Variants in VAV2 observed in about 807,000 individuals in gnomAD.
VAV2 encodes the protein vav guanine nucleotide exchange factor 2, also known as guanine nucleotide exchange factor VAV2.
Under a neutral mutation model 132.5 loss-of-function variants are expected in VAV2, and 67 were observed. The observed-to-expected ratio is 0.51, with a 90% CI of 0.42 to 0.62. VAV2 has a LOEUF of 0.62. VAV2 is among the 20% of genes least tolerant of loss of function. The pLI is 0.00. For synonymous variants in VAV2, 492 were observed against 443.5 expected (o/e 1.11, Z -1.37); for missense variants, 938 against 1,153.6 (o/e 0.81, Z 2.71).
At chr9:133,843,767 G>A (rs1210756377) in intron 3 of VAV2, among the ~76,000 whole-genome samples, 1 of 152,220 alleles carries the variant, frequency 6.6e-6, no homozygotes, top group Non-Finnish European at 1.5e-5. Context: ...GGAGTCTCAC[G>A]GGGGTGGAGT....
chr9:133,928,109 A>G lies in VAV2; in HGVS notation c.321+10994T>C, dbSNP rs1445972729. 1.3e-5 allele frequency among the ~76,000 whole-genome samples: 2 copies of G among 152,162 alleles called. No individual in the cohort carries two copies. The highest frequency in any genetic ancestry group is 2.9e-5 in the Non-Finnish European group (2 of 68,036). On this transcript the variant is annotated intron_variant, in intron 2 of 29. Coordinates refer to ENST00000371850, the MANE Select transcript of VAV2 (RefSeq NM_001134398.2). The surrounding 1 kb of genome is among the most constrained non-coding windows in gnomAD (Gnocchi z 5.4). ...TCCCGCCTGGAAAGGAAAGCAGAGA[A>G]AAACCTCTCCCATCCCCAGTTATAA...
chr9:133,973,409 C>CTCCCTCT (rs1842404965), intron 1 of VAV2, among the ~76,000 whole-genome samples: 1 of 152,204 alleles, frequency 6.6e-6, no homozygotes, highest in South Asian at 2.1e-4. Flanking sequence ...CTCCCATGAC[C>CTCCCTCT]CCCGGGCAGG....
chr9:133,976,408 CCT>C lies in VAV2; in HGVS notation c.204+15665_204+15666del, dbSNP rs529305813. Among the ~76,000 whole-genome samples, 556 of 152,178 alleles carry C rather than the reference CCT, an allele frequency of 3.7e-3. 1 individual carries two copies. Among genetic ancestry groups the C allele is most frequent in the Middle Eastern group, 0.017 (5 of 294 alleles). ...CCCAGCCCCGCCCAGCCCTGCCTCT[CCT>C]GGCCTCACCCTCGATGGAGGAGGAG... On this transcript the variant is annotated intron_variant, in intron 1 of 29. Coordinates refer to ENST00000371850, the MANE Select transcript of VAV2 (RefSeq NM_001134398.2).
chr9:133,906,895 C>CG (rs1156493725), intron 2 of VAV2, among the ~76,000 whole-genome samples: 2 of 152,184 alleles, frequency 1.3e-5, no homozygotes, highest in Non-Finnish European at 2.9e-5. Flanking sequence ...TGGGGACCCT[C>CG]GCCCCGTCCC....
chr9:133,783,156 A>C (rs1384354863), intron 19 of VAV2, among the ~76,000 whole-genome samples: 1 of 152,180 alleles, frequency 6.6e-6, no homozygotes, highest in Non-Finnish European at 1.5e-5. Flanking sequence ...TTCTGTGATG[A>C]GAAACCTCCA....
chr9:133,808,040 GCCCGGGTGGCGGC>G (rs148325435), intron 7 of VAV2, among the ~76,000 whole-genome samples: 19,788 of 152,244 alleles, frequency 0.13, 1,497 homozygotes, highest in Admixed American at 0.19. Context: ...AAGCAAACAC[GCCCGGGTGGCGGC>G]CCCAGGCTGG....
At chr9:133,990,162 GAC>G (rs1842971149) in intron 1 of VAV2, among the ~76,000 whole-genome samples, 1 of 152,106 alleles carries the variant, frequency 6.6e-6, no homozygotes, top group Non-Finnish European at 1.5e-5. Flanking sequence ...GAGCCACACA[GAC>G]ACACACCCAT....
At chr9:133,889,291 C>T (rs1447740853) in intron 2 of VAV2, among the ~76,000 whole-genome samples, 6 of 152,160 alleles carry the variant, frequency 3.9e-5, no homozygotes, top group African/African-American at 1.4e-4. Flanking sequence ...TGGGGGCTCA[C>T]GGGCACGAGC....
At chr9:133,865,091 G>A (rs528061451) in intron 2 of VAV2, among the ~76,000 whole-genome samples, 31 of 152,308 alleles carry the variant, frequency 2.0e-4, no homozygotes, top group African/African-American at 6.5e-4. Flanking sequence ...AAAACTCCAC[G>A]TGATGGGTCC....
chr9:133,862,486 T>G (rs960439155), intron 2 of VAV2, among the ~76,000 whole-genome samples: 2 of 152,216 alleles, frequency 1.3e-5, no homozygotes, highest in Admixed American at 6.5e-5. Context: ...TGAGTCCATG[T>G]GTGTGACAGC....
At position 133,926,608 on chromosome 9, in the gene VAV2, C is replaced by T. The variant is rs956772172; in HGVS notation, c.321+12495G>A. On this transcript the variant is annotated intron_variant, in intron 2 of 29. Coordinates refer to ENST00000371850, the MANE Select transcript of VAV2 (RefSeq NM_001134398.2). The surrounding 1 kb of genome is among the most constrained non-coding windows in gnomAD (Gnocchi z 4.3). ...ACCGCCACCAGCCTCTGGACCTTTG[C>T]ACATGCTGCCCCTGAGACCTCCCAT... Among the ~76,000 whole-genome samples, 3 of 152,160 alleles carry T rather than the reference C, an allele frequency of 2.0e-5. No homozygotes were observed. The highest frequency in any genetic ancestry group is 4.1e-4 in the South Asian group (2 of 4,834).
chr9:133,964,318 AT>A (rs1427083745), intron 1 of VAV2, among the ~76,000 whole-genome samples: 3 of 151,268 alleles, frequency 2.0e-5, no homozygotes, highest in African/African-American at 7.3e-5. Context: ...TGATATATAT[AT>A]ATATACACAT....
chr9:133,887,972 C>T (rs1024787747), intron 2 of VAV2, among the ~76,000 whole-genome samples: 1 of 152,248 alleles, frequency 6.6e-6, no homozygotes, highest in African/African-American at 2.4e-5. Context: ...CTATGCTCCC[C>T]ACCAGGAACC....
At chr9:133,893,357 G>A (rs960172912) in intron 2 of VAV2, among the ~76,000 whole-genome samples, 13 of 152,182 alleles carry the variant, frequency 8.5e-5, no homozygotes, top group Admixed American at 4.6e-4. Flanking sequence ...CGAAGGCGGC[G>A]GCAACAGCAG....
rs1381657011 is a variant in VAV2, at chr9:133,780,678, C to T, written c.1740+16G>A. ...GGGGGTGGGGCAGAGGGAGGGGAAACACTCTGGGGACTTACCAGATCTGCA... is the reference window on the plus strand; with the variant it reads ...GGGGGTGGGGCAGAGGGAGGGGAAATACTCTGGGGACTTACCAGATCTGCA... On this transcript the variant is annotated intron_variant, in intron 20 of 29. Coordinates refer to ENST00000371850, the MANE Select transcript of VAV2 (RefSeq NM_001134398.2). 3.1e-6 allele frequency: 4 copies of T among 1,286,184 alleles called. No homozygotes were observed. The highest frequency in any genetic ancestry group is 4.0e-6 in the Non-Finnish European group (4 of 1,009,454). The allele number at this position is 1,286,184 out of a possible 1,614,324, so 79.7% of individuals were successfully genotyped here.
intron 3 of VAV2, among the ~76,000 whole-genome samples, chr9:133,846,719 C>G (rs1206325574): frequency 6.6e-6 from 1 of 152,222 alleles, no homozygotes; most frequent in Non-Finnish European, 1.5e-5. Flanking sequence ...TGAGGGTTCC[C>G]ACCTCACCCC....
At position 133,888,025 on chromosome 9, in the gene VAV2, C is replaced by T. The variant is rs1255884093; in HGVS notation, c.322-26593G>A. 2.0e-5 allele frequency among the ~76,000 whole-genome samples: 3 copies of T among 152,226 alleles called. No individual in the cohort carries two copies. The South Asian group carries it at 6.2e-4, about 31-fold the overall frequency. ...AGCTTAGGCTGAAGGGTAGACCCTG[C>T]CCAGGAGCACCCCTTGGATGAGCCT... is the stretch of plus-strand genomic sequence containing the variant. On this transcript the variant is annotated intron_variant, in intron 2 of 29. Coordinates refer to ENST00000371850, the MANE Select transcript of VAV2 (RefSeq NM_001134398.2).
At chr9:133,860,564 C>T (rs1407235158) in intron 3 of VAV2, among the ~76,000 whole-genome samples, 2 of 152,082 alleles carry the variant, frequency 1.3e-5, no homozygotes, top group African/African-American at 4.8e-5. Context: ...CAGGGTAAGG[C>T]CCCTTCCCAA....
intron 1 of VAV2, among the ~76,000 whole-genome samples, chr9:133,983,096 C>A (rs1842749216): frequency 6.6e-6 from 1 of 152,168 alleles, no homozygotes; most frequent in Admixed American, 6.5e-5. Context: ...AGGAGGGAGA[C>A]CTGCTGGGGC....
Sources: gnomAD v4.1 joint callset for allele counts (sites outside exome capture counted in the v4.1 genomes callset) on GRCh38, gnomAD v4.1.1 for gene constraint, Gnocchi (gnomAD v3.1) non-coding constraint, MANE v1.5 for transcripts, NCBI Gene and HGNC (gene_info 2026-07-23, HGNC 2026-07-21) for gene names.